Variants in CATSPERZ observed in about 807,000 individuals in gnomAD.
The protein encoded by CATSPERZ is cation channel sperm-associated auxiliary subunit zeta.
A neutral mutation model predicts 21.7 loss-of-function variants in CATSPERZ; 21 were observed. That is an observed-to-expected ratio of 0.97 (90% CI 0.69 to 1.39). CATSPERZ has a LOEUF of 1.39. Among genes scored for constraint, CATSPERZ ranks in the 40% most tolerant of loss-of-function variants. The pLI is 0.00. For missense variants in CATSPERZ, 234 were observed against 259.5 expected (o/e 0.90, Z 0.68); for synonymous variants, 127 against 108.7 (o/e 1.17, Z -1.05).
At chr11:64,301,072 G>A (rs1359946237) in intron 2 of CATSPERZ, 85 bp downstream of exon 2, 18 of 1,242,114 alleles carry the variant, frequency 1.4e-5, no homozygotes, top group African/African-American at 4.6e-5. Flanking sequence ...AAAATGGGGG[G>A]AAGCTGATGG....
In CATSPERZ at chr11:64,300,430, A is replaced by C. The variant is rs1359415399; in HGVS notation, c.20A>C (p.Lys7Thr). Reference sequence around the variant, plus strand: ...AGAACCATGGAGGAAAAGCCTTCGAAAGTAAGACGTCTCCCTAGGCCCCTT... The same window carrying C: ...AGAACCATGGAGGAAAAGCCTTCGACAGTAAGACGTCTCCCTAGGCCCCTT... Reference protein sequence around the residue: MEEKPSKVSLKSSDRQG... With the variant: MEEKPSTVSLKSSDRQG... Residue 7 changes from lysine to threonine, a missense_variant and splice_region_variant, in exon 1 of 5, where the codon AAA becomes ACA. Coordinates refer to ENST00000328404, the MANE Select transcript of CATSPERZ (RefSeq NM_001039496.2). The C allele has an allele frequency of 6.7e-7, 1 of 1,491,738 alleles. No homozygotes were observed. Among genetic ancestry groups the C allele is most frequent in the Non-Finnish European group, 9.1e-7 (1 of 1,103,180 alleles). 92.4% of individuals were successfully genotyped at this position (1,491,738 alleles called of 1,614,324 possible). A position where few individuals can be genotyped will look rare whatever the true frequency, so the allele number is the denominator to read the frequency against.
intron 2 of CATSPERZ, among the ~76,000 whole-genome samples, chr11:64,302,313 C>CT: frequency 6.6e-6 from 1 of 152,208 alleles, no homozygotes; most frequent in Non-Finnish European, 1.5e-5. Context: ...CGGGGTCTCA[C>CT]TCTGTCGCCC....
intron 4 of CATSPERZ, 95 bp from the exon 5 acceptor site, chr11:64,304,448 C>A (rs954341783): frequency 1.1e-6 from 1 of 898,646 alleles, no homozygotes; most frequent in South Asian, 1.6e-5. Context: ...TACCTCGAAT[C>A]ATCTGCGGTT....
At chr11:64,303,734 G>A (rs1214340079) in intron 3 of CATSPERZ, 39 bp from the exon 4 acceptor site, 2 of 1,566,760 alleles carry the variant, frequency 1.3e-6, no homozygotes, top group Middle Eastern at 1.7e-4. Context: ...GGGCAGAGAT[G>A]AAGTACCTGG....
rs987598831 is a variant in CATSPERZ at position 64,300,491 on chromosome 11, G to GGGCCCTT, written c.21+65_21+66insTTGGCCC. ...CTCCAACCCACCCTTGGTCCGACTC[G>GGGCCCTT]GGCCCCTGGCGCTATTTCTTACTCA... On this transcript the variant is annotated intron_variant, in intron 1 of 4. Transcript: ENST00000328404. The GGGCCCTT allele has an allele frequency of 1.1e-5, 18 of 1,570,210 alleles. No individual in the cohort carries two copies. In the Admixed American group the frequency reaches 3.1e-4, roughly 27 times the overall value.
chr11:64,303,926 G>C (rs1024188481), intron 4 of CATSPERZ, 87 bp downstream of exon 4: 1 of 1,343,966 alleles, frequency 7.4e-7, no homozygotes, highest in East Asian at 2.5e-5. Flanking sequence ...GGGGTTTCAG[G>C]GTGCCTTATG....
rs1354033857 is a variant in CATSPERZ at position 64,304,679 on chromosome 11, A to G, written c.*33A>G. ...ACCTTGGGCTCGAGCAGCGACCCGA[A>G]CCAGCCCCGTGCCAGCCCGGTCCCC... is the stretch of plus-strand genomic sequence containing the variant. On this transcript the variant is annotated 3_prime_UTR_variant, in exon 5 of 5. Coordinates refer to ENST00000328404, the MANE Select transcript of CATSPERZ (RefSeq NM_001039496.2). 1.3e-6 allele frequency: 2 copies of G among 1,540,860 alleles called. No homozygotes were observed. The highest frequency in any genetic ancestry group is 8.8e-7 in the Non-Finnish European group (1 of 1,138,324).
intron 2 of CATSPERZ, among the ~76,000 whole-genome samples, 176 bp downstream of exon 2, chr11:64,301,163 G>T (rs1458551147): frequency 1.3e-5 from 2 of 152,254 alleles, no homozygotes; most frequent in Non-Finnish European, 2.9e-5. Flanking sequence ...TTCTTGGAGC[G>T]CCCCCTCCCG....
At chr11:64,301,401 C>CT (rs139500689) in intron 2 of CATSPERZ, among the ~76,000 whole-genome samples, 66,945 of 99,730 alleles carry the variant, frequency 0.67, 24,714 homozygotes, top group Non-Finnish European at 0.75. Flanking sequence ...CCGCCTCCCA[C>CT]TTTTTTTTTT....
chr11:64,303,356 C>T (rs2034958450), intron 2 of CATSPERZ, 126 bp from the exon 3 acceptor site: 2 of 751,380 alleles, frequency 2.7e-6, no homozygotes, highest in East Asian at 2.7e-5. Flanking sequence ...CCATGCTGAC[C>T]CCAAGGCTGC....
At chr11:64,300,625 C>T in intron 1 of CATSPERZ, 32 bp from the exon 2 acceptor site, 1 of 1,517,360 alleles carries the variant, frequency 6.6e-7, no homozygotes, top group South Asian at 1.3e-5. Flanking sequence ...CCATCCGCGA[C>T]CCTTGGCTCC....
At chr11:64,302,042 T>C (rs2034935939) in intron 2 of CATSPERZ, among the ~76,000 whole-genome samples, 1 of 152,136 alleles carries the variant, frequency 6.6e-6, no homozygotes, top group Non-Finnish European at 1.5e-5. Context: ...TTTGCGCTGG[T>C]TGAGGAGGTG....
intron 2 of CATSPERZ, 123 bp downstream of exon 2, chr11:64,301,110 G>A: frequency 1.0e-6 from 1 of 987,678 alleles, no homozygotes; most frequent in Non-Finnish European, 1.5e-6. Flanking sequence ...TTCTCTGGGA[G>A]AGGCGCCCGC....
intron 1 of CATSPERZ, 79 bp from the exon 2 acceptor site, chr11:64,300,578 G>T: frequency 6.6e-7 from 1 of 1,518,694 alleles, no homozygotes. Context: ...ACCCGGCCCG[G>T]CTCAGTTCCC....
chr11:64,304,452 T>A (rs2034982372), intron 4 of CATSPERZ, 91 bp from the exon 5 acceptor site: 3 of 943,450 alleles, frequency 3.2e-6, no homozygotes, highest in Non-Finnish European at 4.8e-6. Context: ...TCGAATCATC[T>A]GCGGTTCCTC....
chr11:64,303,866 C>T lies in CATSPERZ; in HGVS notation c.499+27C>T, dbSNP rs748722693. 1.9e-5 allele frequency: 30 copies of T among 1,583,220 alleles called. 2 individuals carry two copies. The highest frequency in any genetic ancestry group is 2.0e-5 in the Non-Finnish European group (23 of 1,165,130). On this transcript the variant is annotated intron_variant, in intron 4 of 4. Coordinates refer to ENST00000328404, the MANE Select transcript of CATSPERZ (RefSeq NM_001039496.2). ...TAAGCTCCCCGCCAACCCCCAAGAA[C>T]TCCCACGACAGATTCTGGTGGATTT...
At chr11:64,303,458 T>C (rs66968227) in intron 2 of CATSPERZ, 24 bp from the exon 3 acceptor site, 233,008 of 1,599,516 alleles carry the variant, frequency 0.15, 18,118 homozygotes, top group Middle Eastern at 0.17. Context: ...TGCGGATGAC[T>C]AACCCTTTTT....
At chr11:64,300,633 TC>T (rs1353326657) in intron 1 of CATSPERZ, 23 bp from the exon 2 acceptor site, 1 of 1,519,730 alleles carries the variant, frequency 6.6e-7, no homozygotes, top group African/African-American at 1.4e-5. Flanking sequence ...GACCCTTGGC[TC>T]CCTCCTTGTA....
intron 2 of CATSPERZ, among the ~76,000 whole-genome samples, chr11:64,301,437 G>T (rs939325463): frequency 9.0e-5 from 11 of 121,754 alleles, no homozygotes; most frequent in Non-Finnish European, 1.6e-4. Flanking sequence ...ACGGAGTCTC[G>T]CTGTGTCGCC....
Sources: gnomAD v4.1 joint callset for allele counts (sites outside exome capture counted in the v4.1 genomes callset) on GRCh38, gnomAD v4.1.1 for gene constraint, MANE v1.5 for transcripts, NCBI Gene and HGNC (gene_info 2026-07-23, HGNC 2026-07-21) for gene names.